CAMTA1: variants seen among roughly 807,000 people sequenced by gnomAD.
The protein encoded by CAMTA1 is calmodulin-binding transcription activator 1.
In CAMTA1, 27 loss-of-function variants were observed where a neutral mutation model predicts 170.9. That is an observed-to-expected ratio of 0.16 (90% confidence interval 0.12 to 0.22). The LOEUF is 0.22. Ranked by LOEUF, CAMTA1 falls within the 10% of genes least tolerant of loss-of-function variation. The pLI is 1.00. For missense variants in CAMTA1, 1,619 were observed against 2,217.2 expected, an observed-to-expected ratio of 0.73 and a Z score of 5.42; for synonymous variants, 833 against 891.5, an observed-to-expected ratio of 0.93 and a Z score of 1.17.
chr1:7,549,511 C>T (rs990074392), intron 6 of CAMTA1, among the ~76,000 whole-genome samples: 1 of 152,146 alleles, frequency 6.6e-6, no homozygotes, highest in Non-Finnish European at 1.5e-5. Flanking sequence ...GACTCATTTC[C>T]TCTCCAATGC....
At chr1:7,501,524 C>T (rs1158379517) in intron 6 of CAMTA1, among the ~76,000 whole-genome samples, 3 of 151,990 alleles carry the variant, frequency 2.0e-5, no homozygotes, top group African/African-American at 7.2e-5. Context: ...TGCTGTCAAC[C>T]CTGGAGGCCC....
chr1:6,880,060 AG>A (rs1056441544), intron 3 of CAMTA1, among the ~76,000 whole-genome samples: 1 of 151,490 alleles, frequency 6.6e-6, no homozygotes, highest in Non-Finnish European at 1.5e-5. Flanking sequence ...TTTCTCTAGT[AG>A]GGTTTTTTTT....
At chr1:6,969,628 C>CACCT (rs1380661660) in intron 3 of CAMTA1, among the ~76,000 whole-genome samples, 1 of 152,144 alleles carries the variant, frequency 6.6e-6, no homozygotes, top group Non-Finnish European at 1.5e-5. Context: ...GTGAGATGGG[C>CACCT]ACCTACCTTT....
intron 3 of CAMTA1, among the ~76,000 whole-genome samples, chr1:7,066,346 C>T (rs1489177689): frequency 6.6e-6 from 1 of 152,226 alleles, no homozygotes; most frequent in Non-Finnish European, 1.5e-5. Context: ...ACCCCGGGAT[C>T]TACAGTGTGG....
chr1:7,692,538 A>C (rs1321951238), intron 11 of CAMTA1, among the ~76,000 whole-genome samples: 1 of 152,108 alleles, frequency 6.6e-6, no homozygotes, highest in Non-Finnish European at 1.5e-5. Context: ...AGAATGAATG[A>C]ATGAATGAGT....
At position 6,887,370 on chromosome 1, in the gene CAMTA1, G is replaced by A. The variant is rs140178263; in HGVS notation, c.234+62160G>A. The stretch of plus-strand genomic sequence containing the variant: ...CCTACAACCCAATAAAAGTCATGCT[G>A]TAACGATTGCAAAAAGACCATTGTA... On this transcript the variant is annotated intron_variant, in intron 3 of 22. Transcript: ENST00000303635. This position sits in a 1 kb window ranked among gnomAD's most constrained non-coding sequence, Gnocchi z 4.1. Among the ~76,000 whole-genome samples, 2 of 152,246 alleles carry A rather than the reference G, an allele frequency of 1.3e-5. No homozygotes were observed. The highest frequency in any genetic ancestry group is 3.9e-4 in the East Asian group (2 of 5,186).
chr1:7,427,610 G>A (rs546624687), intron 5 of CAMTA1, among the ~76,000 whole-genome samples: 26 of 152,316 alleles, frequency 1.7e-4, no homozygotes, highest in Admixed American at 1.5e-3. Flanking sequence ...GAGTGCATAC[G>A]TATTTAATTT....
intron 5 of CAMTA1, among the ~76,000 whole-genome samples, chr1:7,262,031 C>T (rs530039096): frequency 8.2e-4 from 125 of 152,342 alleles, no homozygotes; most frequent in Middle Eastern, 3.4e-3. Flanking sequence ...GGTGCCCTCA[C>T]ACTGGTATTT....
intron 3 of CAMTA1, among the ~76,000 whole-genome samples, chr1:7,085,464 C>A (rs931943057): frequency 2.0e-5 from 3 of 152,220 alleles, no homozygotes; most frequent in Non-Finnish European, 4.4e-5. Context: ...AGACACACAC[C>A]CTCCCTGAAG....
At chr1:7,332,517 T>C (rs541369094) in intron 5 of CAMTA1, among the ~76,000 whole-genome samples, 5 of 152,354 alleles carry the variant, frequency 3.3e-5, no homozygotes, top group African/African-American at 1.2e-4. Context: ...TTTAGAGTCC[T>C]GTCTGTTGTC....
intron 3 of CAMTA1, among the ~76,000 whole-genome samples, chr1:6,865,292 G>A (rs1391865921): frequency 6.6e-6 from 1 of 152,168 alleles, no homozygotes; most frequent in Non-Finnish European, 1.5e-5. Context: ...TTCAGCCTCT[G>A]CCACTCCTGA....
chr1:7,009,438 G>A (rs142171207), intron 3 of CAMTA1, among the ~76,000 whole-genome samples: 6 of 152,302 alleles, frequency 3.9e-5, no homozygotes, highest in African/African-American at 7.2e-5. Context: ...GCCCTTGCCT[G>A]CCTGGGCCTC....
intron 3 of CAMTA1, among the ~76,000 whole-genome samples, chr1:6,937,556 T>TCATCACGATCAC (rs149373549): frequency 0.48 from 429 of 890 alleles, 208 homozygotes; most frequent in South Asian, 0.75. Flanking sequence ...ACCACTACCA[T>TCATCACGATCAC]CATCACCATT....
At chr1:7,384,629 C>T (rs1575041344) in intron 5 of CAMTA1, among the ~76,000 whole-genome samples, 2 of 152,274 alleles carry the variant, frequency 1.3e-5, no homozygotes, top group South Asian at 4.1e-4. Context: ...CAATCTTTGC[C>T]ATTTTGTCAC....
chr1:6,871,698 C>T, intron 3 of CAMTA1: 1 of 1,423,702 alleles, frequency 7.0e-7, no homozygotes, highest in Non-Finnish European at 9.5e-7. Context: ...TTTTCAAGAG[C>T]TTGATTTTAA....
At chr1:6,817,613 C>G (rs1361136172) in intron 1 of CAMTA1, among the ~76,000 whole-genome samples, 1 of 152,164 alleles carries the variant, frequency 6.6e-6, no homozygotes. Context: ...ATGACTGTTA[C>G]CACAGATGTT....
intron 5 of CAMTA1, among the ~76,000 whole-genome samples, chr1:7,401,876 C>T (rs2089931078): frequency 6.6e-6 from 1 of 152,108 alleles, no homozygotes. Flanking sequence ...CTTCCCACTC[C>T]CCACCCTCTA....
chr1:7,394,650 ACT>A (rs1163023566), intron 5 of CAMTA1, among the ~76,000 whole-genome samples: 1 of 151,252 alleles, frequency 6.6e-6, no homozygotes, highest in East Asian at 1.9e-4. Flanking sequence ...TTGTCTTTTC[ACT>A]CTGTTTATTG....
intron 3 of CAMTA1, among the ~76,000 whole-genome samples, chr1:6,932,784 G>A (rs1161289968): frequency 6.6e-6 from 1 of 152,158 alleles, no homozygotes; most frequent in Non-Finnish European, 1.5e-5. Flanking sequence ...CCATACCCAT[G>A]TATCTTCTTT....
Sources: gnomAD v4.1 joint callset for allele counts (sites outside exome capture counted in the v4.1 genomes callset) on GRCh38, gnomAD v4.1.1 for gene constraint, Gnocchi (gnomAD v3.1) non-coding constraint, MANE v1.5 for transcripts, NCBI Gene and HGNC (gene_info 2026-07-23, HGNC 2026-07-21) for gene names.